TET2: variants seen among roughly 807,000 people sequenced by gnomAD.
TET2 encodes methylcytosine dioxygenase TET2.
TET2 carries 299 observed loss-of-function variants against 142.9 expected under a neutral mutation model. The ratio of observed to expected loss-of-function variants is 2.09; its 90% CI spans 1.90 to 2.30. The LOEUF (loss-of-function observed/expected upper bound fraction) is 2.30. TET2 is among the 30% of genes most tolerant of loss of function. The probability of loss-of-function intolerance (pLI) is 0.00; values close to 1 mark genes in which losing one functional copy is unlikely to be tolerated. For synonymous variants in TET2, 819 were observed against 849.0 expected, an observed-to-expected ratio of 0.96 and a Z score of 0.61; for missense variants, 2,418 against 2,378.0, an observed-to-expected ratio of 1.02 and a Z score of -0.35.
intron 1 of TET2, among the ~76,000 whole-genome samples, chr4:105,187,503 C>A (rs983075916): frequency 6.6e-6 from 1 of 152,190 alleles, no homozygotes; most frequent in East Asian, 1.9e-4. Context: ...TAAGTTTTTT[C>A]AAATGCATCA....
intron 1 of TET2, among the ~76,000 whole-genome samples, chr4:105,151,077 TGGGA>T (rs1296950049): frequency 1.3e-5 from 2 of 152,172 alleles, no homozygotes; most frequent in African/African-American, 2.4e-5. Flanking sequence ...CCTAGCACTT[TGGGA>T]GGCCAAGGTG....
At chr4:105,267,807 A>C (rs1730758945) in intron 8 of TET2, among the ~76,000 whole-genome samples, 1 of 152,004 alleles carries the variant, frequency 6.6e-6, no homozygotes, top group Admixed American at 6.5e-5. Flanking sequence ...GATACAAATA[A>C]ATTAAAAAGA....
chr4:105,224,684 G>GTCCATCTC (rs1728064716), intron 2 of TET2, among the ~76,000 whole-genome samples: 1 of 108,106 alleles, frequency 9.3e-6, no homozygotes, highest in African/African-American at 3.6e-5. Flanking sequence ...ATATCAGCCA[G>GTCCATCTC]TCTCTCTCTC....
chr4:105,212,889 C>T (rs937931293), intron 2 of TET2, among the ~76,000 whole-genome samples: 4 of 152,058 alleles, frequency 2.6e-5, no homozygotes, highest in African/African-American at 7.2e-5. Context: ...ACTTGGATGG[C>T]TGAGGCAGGA....
chr4:105,177,127 T>C (rs1053563560), intron 1 of TET2, among the ~76,000 whole-genome samples: 1 of 152,108 alleles, frequency 6.6e-6, no homozygotes, highest in Non-Finnish European at 1.5e-5. Context: ...TTTGCAAAAA[T>C]TAACTTGAAT....
chr4:105,168,338 A>G (rs1404828610), intron 1 of TET2, among the ~76,000 whole-genome samples: 1 of 151,978 alleles, frequency 6.6e-6, no homozygotes, highest in Non-Finnish European at 1.5e-5. Context: ...CCCTCATTCT[A>G]TTCTAATTTC....
Position 105,275,297 on chromosome 4 carries a change from A to C in TET2, c.4787A>C (p.Asn1596Thr), listed in dbSNP as rs1483732103. 1.1e-5 allele frequency: 17 copies of C among 1,552,018 alleles called. No individual in the cohort carries two copies. The highest frequency in any genetic ancestry group is 1.4e-5 in the Non-Finnish European group (16 of 1,147,090). ...SDIYGSTSPM[N>T]FYSTSSQAAG... ...ATCTATGGAAGCACCAGCCCTATGA[A>C]CTTCTATTCCACCTCATCTCAAGCT... Residue 1596 changes from asparagine (N) to threonine (T), a missense_variant, in exon 11 of 11, where the codon AAC (asparagine) becomes ACC (threonine). Physicochemically the swap from Asn to Thr is moderately conservative, Grantham distance 65. Transcript: ENST00000380013.
intron 4 of TET2, chr4:105,241,742 T>G (rs1578688671): frequency 8.0e-7 from 1 of 1,252,974 alleles, no homozygotes; most frequent in East Asian, 3.1e-5. Flanking sequence ...CAACGAGAGG[T>G]CCCACTCTGG....
Position 105,167,362 on chromosome 4 carries a change from G to A in TET2, c.-193+20383G>A, listed in dbSNP as rs189419386. ...ATACAACTAAACTTAAGAAAAGTGC[G>A]TATATGTGTACACATATACATATGC... On this transcript the variant is annotated intron_variant, in intron 1 of 10. Coordinates refer to ENST00000380013, the MANE Select transcript of TET2 (RefSeq NM_001127208.3). 1.9e-3 allele frequency among the ~76,000 whole-genome samples: 289 copies of A among 151,678 alleles called. 1 individual carries two copies. The highest frequency in any genetic ancestry group is 2.8e-3 in the Non-Finnish European group (189 of 67,852).
intron 8 of TET2, among the ~76,000 whole-genome samples, chr4:105,268,390 A>G (rs1436565319): frequency 6.6e-6 from 1 of 152,170 alleles, no homozygotes; most frequent in Non-Finnish European, 1.5e-5. Flanking sequence ...AAATTATAGA[A>G]AACTTCAGTA....
upstream of TET2, chr4:105,146,355 G>A (rs1298624327): frequency 6.6e-6 from 1 of 152,658 alleles, no homozygotes; most frequent in Non-Finnish European, 1.5e-5. Flanking sequence ...TCTTCTCCCA[G>A]GGGTGGAGAC....
intron 1 of TET2, among the ~76,000 whole-genome samples, chr4:105,178,347 T>C (rs1259794770): frequency 6.6e-6 from 1 of 152,182 alleles, no homozygotes; most frequent in Non-Finnish European, 1.5e-5. Context: ...CCGAAAAGGC[T>C]AAATACTGTA....
intron 1 of TET2, among the ~76,000 whole-genome samples, chr4:105,174,453 G>T (rs192240327): frequency 6.6e-6 from 1 of 152,086 alleles, no homozygotes; most frequent in Non-Finnish European, 1.5e-5. Context: ...GAAAATTAAC[G>T]AATCTTCTTA....
upstream of TET2, chr4:105,146,614 C>G (rs968492993): frequency 6.5e-6 from 1 of 153,424 alleles, no homozygotes; most frequent in Non-Finnish European, 1.4e-5. Flanking sequence ...CGGCGCAGGC[C>G]GGGGCGGAGC....
chr4:105,171,507 T>TA lies in TET2; in HGVS notation c.-192-18847dup, dbSNP rs1724464483. The TA allele has an allele frequency of 2.0e-5, 3 of 152,216 alleles. No individual in the cohort carries two copies. The South Asian group carries it at 6.2e-4, about 32-fold the overall frequency. 9.4% of individuals were successfully genotyped at this position (152,216 alleles called of 1,614,324 possible). On this transcript the variant is annotated intron_variant, in intron 1 of 10. Transcript: ENST00000380013. ...ATAACACAGGCCATCTTTTGTTCTT[T>TA]AAAAAATGACAGGAAGATTAGAATA...
At chr4:105,188,375 T>TG (rs1243986046) in intron 1 of TET2, among the ~76,000 whole-genome samples, 1 of 151,998 alleles carries the variant, frequency 6.6e-6, no homozygotes, top group African/African-American at 2.4e-5. Flanking sequence ...GAGGAGCAAA[T>TG]GGGAAGTTAT....
intron 6 of TET2, among the ~76,000 whole-genome samples, chr4:105,245,687 A>T (rs945938423): frequency 1.3e-5 from 2 of 152,138 alleles, no homozygotes; most frequent in Admixed American, 1.3e-4. Context: ...AAAAATTTTT[A>T]AAAATGTATG....
At chr4:105,233,341 GC>G (rs1728615116) in intron 2 of TET2, among the ~76,000 whole-genome samples, 1 of 129,870 alleles carries the variant, frequency 7.7e-6, no homozygotes, top group Non-Finnish European at 1.5e-5. Flanking sequence ...CCAAGATTGT[GC>G]CGCTGCACTC....
In TET2 at chr4:105,276,171, G is replaced by T; in HGVS notation, c.5661G>T (p.Lys1887Asn). The T allele has an allele frequency of 6.4e-7, 1 of 1,551,570 alleles. No individual in the cohort carries two copies. The highest frequency in any genetic ancestry group is 8.7e-7 in the Non-Finnish European group (1 of 1,146,964). The change falls in exon 11 of 11, where the codon AAG (lysine) becomes AAT (asparagine). Residue 1887 changes from lysine to asparagine, a missense_variant. Transcript: ENST00000380013. ...KRELHATTPL[K>N]NPNRNHPTRI... is the part of the protein sequence containing the mutation. ...AGCTGCATGCCACAACCCCTTTAAA[G>T]AATCCCAATAGGAATCACCCCACCA...
Sources: allele counts gnomAD v4.1 joint callset (sites outside exome capture counted in the v4.1 genomes callset), GRCh38; gene constraint gnomAD v4.1.1; transcripts MANE v1.5; gene names NCBI Gene and HGNC (gene_info 2026-07-23, HGNC 2026-07-21).